The following ACTR3C variants were observed in gnomAD, a reference collection of about 807,000 sequenced individuals.
The protein encoded by ACTR3C is actin-related protein 3C.
A neutral mutation model predicts 26.3 loss-of-function variants in ACTR3C; 18 were observed. The ratio of observed to expected loss-of-function variants is 0.68; its 90% CI spans 0.47 to 1.01. The LOEUF (loss-of-function observed/expected upper bound fraction) is 1.01, where lower values mean the gene tolerates loss of function less well. ACTR3C is among the 50% of genes least tolerant of loss of function. ACTR3C has a pLI of 0.00. For synonymous variants in ACTR3C, 55 were observed against 94.5 expected (o/e 0.58, Z 2.42); for missense variants, 184 against 250.7 (o/e 0.73, Z 1.80).
the ACTR3C span, among the ~76,000 whole-genome samples, chr7:150,035,001 G>C: frequency 1.0e-4 from 15 of 143,770 alleles, 1 homozygote; most frequent in South Asian, 1.6e-3. Context: ...CTCCTGTGAT[G>C]GGGGTCCTCA....
At chr7:150,304,962 T>C (rs1463418476) in intron 1 of ACTR3C, among the ~76,000 whole-genome samples, 1 of 152,158 alleles carries the variant, frequency 6.6e-6, no homozygotes, top group Non-Finnish European at 1.5e-5. Context: ...GAAGCCTGAT[T>C]GCTCAATACA....
the ACTR3C span, among the ~76,000 whole-genome samples, chr7:149,957,654 G>A: frequency 2.0e-5 from 3 of 152,044 alleles, no homozygotes; most frequent in Non-Finnish European, 2.9e-5. Flanking sequence ...GGCTTCCAGA[G>A]TTGAACTGAG....
At chr7:150,068,800 A>AC in the ACTR3C span, among the ~76,000 whole-genome samples, 14,312 of 145,996 alleles carry the variant, frequency 0.098, 922 homozygotes, top group Middle Eastern at 0.15. Flanking sequence ...AAAAAAAAAA[A>AC]AACCAAAAAA....
At chr7:149,955,054 T>G in the ACTR3C span, among the ~76,000 whole-genome samples, 1 of 152,364 alleles carries the variant, frequency 6.6e-6, no homozygotes, top group Non-Finnish European at 1.5e-5. Flanking sequence ...TCAGCTACAC[T>G]TCCTTCCTGA....
intron 6 of ACTR3C, among the ~76,000 whole-genome samples, chr7:150,275,737 C>T (rs1418084285): frequency 6.6e-6 from 1 of 151,906 alleles, no homozygotes; most frequent in Non-Finnish European, 1.5e-5. Flanking sequence ...ACAAAAACAG[C>T]GACTACAAAG....
the ACTR3C span, among the ~76,000 whole-genome samples, chr7:150,203,114 A>G: frequency 2.6e-5 from 4 of 152,380 alleles, no homozygotes; most frequent in East Asian, 7.7e-4. Flanking sequence ...CAGCAGCATC[A>G]GCATCATTTC....
the ACTR3C span, among the ~76,000 whole-genome samples, chr7:149,886,339 G>T: frequency 1.3e-5 from 2 of 152,158 alleles, no homozygotes; most frequent in African/African-American, 2.4e-5. Flanking sequence ...GTTTCCTGTC[G>T]AATGTCTTTA....
the ACTR3C span, among the ~76,000 whole-genome samples, chr7:150,066,401 T>C: frequency 6.6e-6 from 1 of 152,330 alleles, no homozygotes; most frequent in African/African-American, 2.4e-5. Flanking sequence ...TTGGAACAAC[T>C]GAACATTTGA....
the ACTR3C span, among the ~76,000 whole-genome samples, chr7:150,020,131 C>T: frequency 6.6e-5 from 10 of 152,082 alleles, no homozygotes; most frequent in Non-Finnish European, 1.2e-4. Context: ...CATTTTAAAT[C>T]ACCTTAGTCA....
chr7:150,102,949 G>T, the ACTR3C span, among the ~76,000 whole-genome samples: 2 of 152,092 alleles, frequency 1.3e-5, no homozygotes, highest in Non-Finnish European at 2.9e-5. Flanking sequence ...GCTTTTTGTT[G>T]TTGGATGTTT....
At chr7:150,103,159 G>A in the ACTR3C span, among the ~76,000 whole-genome samples, 1 of 151,924 alleles carries the variant, frequency 6.6e-6, no homozygotes, top group African/African-American at 2.4e-5. Context: ...CTGGAAGCAA[G>A]GAGATGGGCC....
the ACTR3C span, among the ~76,000 whole-genome samples, chr7:149,973,680 C>T: frequency 3.9e-5 from 6 of 152,064 alleles, no homozygotes; most frequent in Admixed American, 2.6e-4. Context: ...ATTCGGTCTG[C>T]GGGAGTTCAT....
the ACTR3C span, among the ~76,000 whole-genome samples, chr7:149,969,335 C>T: frequency 7.2e-6 from 1 of 138,526 alleles, no homozygotes; most frequent in Non-Finnish European, 1.5e-5. Flanking sequence ...GTGTGTGATG[C>T]TGCCCCTGTT....
the ACTR3C span, among the ~76,000 whole-genome samples, chr7:150,183,942 A>G: frequency 6.7e-6 from 1 of 150,056 alleles, no homozygotes; most frequent in Admixed American, 6.6e-5. Context: ...TATTTCCCCT[A>G]CTTGCTCTCA....
At chr7:150,037,122 C>T in the ACTR3C span, among the ~76,000 whole-genome samples, 1 of 83,634 alleles carries the variant, frequency 1.2e-5, no homozygotes. Flanking sequence ...GGAAGAGGGA[C>T]TGGCTCTCAG....
rs2530937 is a variant in ACTR3C, at chr7:150,274,934, C to T, written c.564+9819G>A. Among the ~76,000 whole-genome samples, 438 of 152,314 alleles carry T rather than the reference C, an allele frequency of 2.9e-3. 1 individual carries two copies. Among genetic ancestry groups the T allele is most frequent in the African/African-American group, 9.8e-3 (409 of 41,562 alleles). On this transcript the variant is annotated intron_variant, in intron 6 of 7. Coordinates refer to ENST00000683684, the MANE Select transcript of ACTR3C (RefSeq NM_001164458.2). The surrounding 1 kb of genome is among the most constrained non-coding windows in gnomAD (Gnocchi z 4.1). ...GGTCAGCAGTCTTCTGGACACTTTC[C>T]GGACACCAGCCCACAGTCATTCCCT...
At chr7:149,881,383 C>T in the ACTR3C span, 1 of 153,042 alleles carries the variant, frequency 6.5e-6, no homozygotes, top group African/African-American at 2.4e-5. Flanking sequence ...TTATTAGGGC[C>T]CCTGGTGGAA....
the ACTR3C span, among the ~76,000 whole-genome samples, chr7:150,045,517 T>C: frequency 2.7e-5 from 4 of 150,942 alleles, no homozygotes; most frequent in African/African-American, 7.3e-5. Context: ...GAGTATACTA[T>C]ATAAACACAC....
the ACTR3C span, among the ~76,000 whole-genome samples, chr7:150,034,901 G>T: frequency 6.8e-6 from 1 of 146,892 alleles, no homozygotes; most frequent in East Asian, 2.0e-4. Flanking sequence ...CGCGGGGGGT[G>T]CCTCCCCCAC....
Sources: gnomAD v4.1 joint callset for allele counts (sites outside exome capture counted in the v4.1 genomes callset) on GRCh38, gnomAD v4.1.1 for gene constraint, Gnocchi (gnomAD v3.1) non-coding constraint, MANE v1.5 for transcripts, NCBI Gene and HGNC (gene_info 2026-07-23, HGNC 2026-07-21) for gene names.